Variants in MTMR8 observed in about 807,000 individuals in gnomAD.
MTMR8 encodes phosphatidylinositol-3,5-bisphosphate 3-phosphatase MTMR8.
MTMR8 carries 65 observed loss-of-function variants against 39.3 expected under a neutral mutation model. The ratio of observed to expected loss-of-function variants is 1.65; its 90% CI spans 1.35 to 2.03. The LOEUF is 2.03. MTMR8 is among the 30% of genes most tolerant of loss of function. The probability of loss-of-function intolerance (pLI) is 0.00; values close to 1 mark genes in which losing one functional copy is unlikely to be tolerated. For missense variants in MTMR8, 777 were observed against 538.9 expected, an observed-to-expected ratio of 1.44 and a Z score of -4.37; for synonymous variants, 245 against 185.2, an observed-to-expected ratio of 1.32 and a Z score of -2.62.
intron 12 of MTMR8, among the ~76,000 whole-genome samples, chrX:64,311,498 A>G (rs1215324157): frequency 3.6e-5 from 4 of 111,556 alleles, no homozygotes; most frequent in Non-Finnish European, 7.5e-5. Flanking sequence ...CTTTAGTTTA[A>G]TTAGATCCCA....
chrX:64,322,053 T>A (rs1278141209), intron 12 of MTMR8, among the ~76,000 whole-genome samples: 1 of 110,561 alleles, frequency 9.0e-6, no homozygotes, highest in Non-Finnish European at 1.9e-5. Context: ...TTTTTGTTTT[T>A]TTTTTTTTGA....
chrX:64,302,678 C>A (rs1258355087), intron 12 of MTMR8, among the ~76,000 whole-genome samples: 1 of 112,595 alleles, frequency 8.9e-6, no homozygotes, highest in African/African-American at 3.2e-5. Context: ...AAATGTTACA[C>A]AGCCAATTGT....
At chrX:64,285,318 T>C in intron 12 of MTMR8, among the ~76,000 whole-genome samples, 1 of 111,643 alleles carries the variant, frequency 9.0e-6, no homozygotes, top group East Asian at 2.8e-4. Context: ...CCCAGATTCA[T>C]AAAGCAAGTC....
intron 12 of MTMR8, among the ~76,000 whole-genome samples, chrX:64,285,149 CA>C (rs1379043020): frequency 9.1e-6 from 1 of 110,234 alleles, no homozygotes; most frequent in African/African-American, 3.3e-5. Flanking sequence ...AAATGGAAAA[CA>C]AAAAAAGGCA....
At chrX:64,273,442 G>GA (rs1274416467) in intron 12 of MTMR8, among the ~76,000 whole-genome samples, 2 of 106,468 alleles carry the variant, frequency 1.9e-5, no homozygotes, top group African/African-American at 6.9e-5. Context: ...AAAAAAGAAA[G>GA]AAGTGAAAGA....
intron 1 of MTMR8, among the ~76,000 whole-genome samples, chrX:64,388,834 C>A (rs1008780449): frequency 8.9e-6 from 1 of 112,185 alleles, no homozygotes; most frequent in South Asian, 3.7e-4. Context: ...TGAACGTTCA[C>A]TATGAATCTC....
In MTMR8 at chrX:64,331,593, A is replaced by T; in HGVS notation, c.1316T>A (p.Phe439Tyr). 8.3e-7 allele frequency: 1 copy of T among 1,210,665 alleles called. No individual in the cohort carries two copies. The highest frequency in any genetic ancestry group is 1.1e-6 in the Non-Finnish European group (1 of 894,928). Residue 439 changes from phenylalanine to tyrosine, a missense_variant, in exon 11 of 14, where the codon TTC becomes TAC. Coordinates refer to ENST00000374852, the MANE Select transcript of MTMR8 (RefSeq NM_017677.4). ...CCGATCCTTCTGGCAGTTACCAAGG[A>T]AGTTTCCAAACTGGCAGGAGAAAAC... is the stretch of plus-strand genomic sequence containing the variant. The part of the protein sequence containing the change: ...DHVFSCQFGN[F>Y]LGNCQKDRED...
chrX:64,317,682 T>C (rs1489456194), intron 12 of MTMR8, among the ~76,000 whole-genome samples: 1 of 112,279 alleles, frequency 8.9e-6, no homozygotes, highest in East Asian at 2.8e-4. Context: ...CTTGGTCTGA[T>C]GGCTGATTTT....
chrX:64,386,880 C>CAA (rs374192816), intron 1 of MTMR8, among the ~76,000 whole-genome samples: 4 of 95,908 alleles, frequency 4.2e-5, no homozygotes, highest in African/African-American at 1.5e-4. Flanking sequence ...CTCATATCTA[C>CAA]AAAAAAAAAA....
At chrX:64,315,315 T>G (rs957590078) in intron 12 of MTMR8, among the ~76,000 whole-genome samples, 6 of 111,796 alleles carry the variant, frequency 5.4e-5, no homozygotes, top group African/African-American at 1.9e-4. Context: ...CCAGGCATGG[T>G]GGCCCCGTGC....
At chrX:64,278,614 C>T (rs901268968) in intron 12 of MTMR8, among the ~76,000 whole-genome samples, 2 of 107,537 alleles carry the variant, frequency 1.9e-5, no homozygotes, top group Admixed American at 2.0e-4. Context: ...GCTGGGACTA[C>T]AGGTGGGCGC....
rs370026902 is a variant in MTMR8, at chrX:64,371,400, T to C, written c.25-11873A>G. 1.8e-4 allele frequency among the ~76,000 whole-genome samples: 20 copies of C among 111,991 alleles called. No individual in the cohort carries two copies. In the South Asian group the frequency reaches 7.4e-3, roughly 41 times the overall value. On this transcript the variant is annotated intron_variant, in intron 1 of 13. Coordinates refer to ENST00000374852, the MANE Select transcript of MTMR8 (RefSeq NM_017677.4). ...TTATACGTATTAAATTTGAAAAACATCAAATACTAGCATGGTTGTGGTAAA... is the reference window on the plus strand; with the variant it reads ...TTATACGTATTAAATTTGAAAAACACCAAATACTAGCATGGTTGTGGTAAA...
intron 12 of MTMR8, among the ~76,000 whole-genome samples, chrX:64,287,363 C>T (rs916604471): frequency 9.0e-6 from 1 of 111,463 alleles, no homozygotes; most frequent in African/African-American, 3.3e-5. Flanking sequence ...TAGGAAGACT[C>T]AATATCATGA....
chrX:64,315,386 A>T (rs1264301940), intron 12 of MTMR8, among the ~76,000 whole-genome samples: 1 of 111,461 alleles, frequency 9.0e-6, no homozygotes, highest in Non-Finnish European at 1.9e-5. Flanking sequence ...GCCTACTCTC[A>T]GTGCCTTCCC....
In MTMR8 at chrX:64,386,885, A is replaced by C. The variant is rs976033586; in HGVS notation, c.24+8455T>G. On this transcript the variant is annotated intron_variant, in intron 1 of 13. Coordinates refer to ENST00000374852, the MANE Select transcript of MTMR8 (RefSeq NM_017677.4). ...ATAGTGAGACCTCATATCTACAAAA[A>C]AAAAAAATGCTAAAAAAATTAGCCA... is the stretch of plus-strand genomic sequence containing the variant. Among the ~76,000 whole-genome samples, 14 of 109,830 alleles carry C rather than the reference A, an allele frequency of 1.3e-4. 1 individual carries two copies. The highest frequency in any genetic ancestry group is 2.7e-4 in the Non-Finnish European group (14 of 52,683).
At position 64,327,432 on chromosome X, in the gene MTMR8, C is replaced by A. The variant is rs753632680; in HGVS notation, c.1481+1340G>T. On this transcript the variant is annotated intron_variant, in intron 12 of 13. Coordinates refer to ENST00000374852, the MANE Select transcript of MTMR8 (RefSeq NM_017677.4). ...GGCCAATAGGTATATGAAAAAAATG[C>A]AACATCACCAATCATCACGAAAATG... is the stretch of plus-strand genomic sequence containing the variant. Among the ~76,000 whole-genome samples the A allele has an allele frequency of 1.2e-4, 13 of 111,829 alleles. No homozygotes were observed. The East Asian group carries it at 3.1e-3, about 27-fold the overall frequency.
intron 12 of MTMR8, among the ~76,000 whole-genome samples, chrX:64,315,257 G>T (rs1440395919): frequency 1.8e-5 from 2 of 112,007 alleles, no homozygotes; most frequent in Non-Finnish European, 3.8e-5. Context: ...CTCCTTGCCA[G>T]TTCAACTCAC....
At chrX:64,358,655 G>A (rs1042807319) in intron 2 of MTMR8, among the ~76,000 whole-genome samples, 4 of 110,957 alleles carry the variant, frequency 3.6e-5, no homozygotes, top group East Asian at 2.8e-4. Flanking sequence ...TAAGCTATGC[G>A]GTATAAAAGA....
At chrX:64,304,860 T>TCATATATATA (rs1213473988) in intron 12 of MTMR8, among the ~76,000 whole-genome samples, 3 of 28,564 alleles carry the variant, frequency 1.1e-4, no homozygotes, top group African/African-American at 2.1e-4. Flanking sequence ...GATCAAACAT[T>TCATATATATA]TATATATATA....
Sources: allele counts gnomAD v4.1 joint callset (sites outside exome capture counted in the v4.1 genomes callset), GRCh38; gene constraint gnomAD v4.1.1; transcripts MANE v1.5; gene names NCBI Gene and HGNC (gene_info 2026-07-23, HGNC 2026-07-21).